The following SAMD5 variants were observed in gnomAD, a reference collection of about 807,000 sequenced individuals.
The protein encoded by SAMD5 is sterile alpha motif domain containing 5.
SAMD5 carries 13 observed loss-of-function variants against 11.3 expected under a neutral mutation model. That is an observed-to-expected ratio of 1.15 (90% CI 0.75 to 1.83). The LOEUF (loss-of-function observed/expected upper bound fraction) is 1.83. Ranked by LOEUF, SAMD5 falls within the 40% of genes most tolerant of loss-of-function variation. The pLI is 0.00. For synonymous variants in SAMD5, 129 were observed against 111.3 expected, an observed-to-expected ratio of 1.16 and a Z score of -1.00; for missense variants, 255 against 239.1, an observed-to-expected ratio of 1.07 and a Z score of -0.44.
chr6:147,515,021 G>A (rs1294792675), intron 1 of SAMD5, among the ~76,000 whole-genome samples: 2 of 152,052 alleles, frequency 1.3e-5, no homozygotes, highest in Non-Finnish European at 2.9e-5. Flanking sequence ...TTTGCCTTGT[G>A]TGTTGGCAGA....
chr6:147,827,317 G>GA, the SAMD5 span, among the ~76,000 whole-genome samples: 1 of 149,190 alleles, frequency 6.7e-6, no homozygotes, highest in Non-Finnish European at 1.5e-5. Flanking sequence ...AGGAAGGAAG[G>GA]AAAAAAAGGA....
the SAMD5 span, among the ~76,000 whole-genome samples, chr6:147,901,503 C>T: frequency 1.3e-5 from 2 of 152,134 alleles, no homozygotes; most frequent in African/African-American, 4.8e-5. Flanking sequence ...AGACTATGTG[C>T]CCTTTGTAAA....
chr6:147,666,154 G>A (rs562779992), intron 1 of SAMD5, among the ~76,000 whole-genome samples: 66 of 152,288 alleles, frequency 4.3e-4, no homozygotes, highest in Admixed American at 1.6e-3. Flanking sequence ...GGCCAGGCTG[G>A]TCGCCAACTC....
intron 1 of SAMD5, among the ~76,000 whole-genome samples, chr6:147,601,404 T>A (rs1583102095): frequency 6.6e-6 from 1 of 152,310 alleles, no homozygotes; most frequent in Non-Finnish European, 1.5e-5. Context: ...CAGTTTATTT[T>A]TATGTCTAGA....
chr6:147,917,523 T>C, the SAMD5 span, among the ~76,000 whole-genome samples: 2 of 152,158 alleles, frequency 1.3e-5, no homozygotes, highest in Admixed American at 6.5e-5. Flanking sequence ...TTCACTCTGA[T>C]GGTAGTTTCT....
At chr6:147,931,342 T>A in the SAMD5 span, among the ~76,000 whole-genome samples, 73 of 152,358 alleles carry the variant, frequency 4.8e-4, no homozygotes, top group African/African-American at 1.6e-3. Flanking sequence ...TATCCCATCC[T>A]TATTCAGCTC....
the SAMD5 span, among the ~76,000 whole-genome samples, chr6:147,812,813 A>T: frequency 6.6e-6 from 1 of 152,182 alleles, no homozygotes; most frequent in Non-Finnish European, 1.5e-5. Flanking sequence ...TGATATAGTT[A>T]TGATAGTATA....
At chr6:147,909,606 T>C in the SAMD5 span, among the ~76,000 whole-genome samples, 65 of 54,600 alleles carry the variant, frequency 1.2e-3, no homozygotes, top group African/African-American at 5.8e-3. Flanking sequence ...CTTTCTTTCT[T>C]TCTTTCTTTC....
intron 1 of SAMD5, among the ~76,000 whole-genome samples, chr6:147,557,804 T>C (rs1314346346): frequency 6.6e-6 from 1 of 152,182 alleles, no homozygotes; most frequent in Non-Finnish European, 1.5e-5. Flanking sequence ...ATAGAAGTAG[T>C]TTTGATAAAG....
chr6:147,827,645 T>C, the SAMD5 span, among the ~76,000 whole-genome samples: 10 of 152,236 alleles, frequency 6.6e-5, no homozygotes, highest in African/African-American at 2.4e-4. Flanking sequence ...TTCTTGTCTC[T>C]GGAACAGCTA....
chr6:147,907,055 G>A, the SAMD5 span, among the ~76,000 whole-genome samples: 1 of 152,134 alleles, frequency 6.6e-6, no homozygotes, highest in African/African-American at 2.4e-5. Context: ...CCTCAACACT[G>A]GGCACCTTCT....
downstream of SAMD5, among the ~76,000 whole-genome samples, chr6:147,738,061 T>A (rs1425840069): frequency 6.6e-6 from 1 of 152,042 alleles, no homozygotes; most frequent in East Asian, 1.9e-4. Context: ...AAGCAAGGCA[T>A]GGTGAAAGGA....
the SAMD5 span, among the ~76,000 whole-genome samples, chr6:147,743,625 A>G: frequency 6.6e-6 from 1 of 152,222 alleles, no homozygotes; most frequent in African/African-American, 2.4e-5. Flanking sequence ...AAGCAAATGC[A>G]TATAATTTTA....
At chr6:147,645,612 A>G (rs183488027) in intron 1 of SAMD5, among the ~76,000 whole-genome samples, 6 of 152,310 alleles carry the variant, frequency 3.9e-5, no homozygotes, top group Admixed American at 3.9e-4. Context: ...AATACTTTTC[A>G]TCTCAAAGCA....
the SAMD5 span, among the ~76,000 whole-genome samples, chr6:147,812,903 T>C: frequency 6.6e-6 from 1 of 152,222 alleles, no homozygotes; most frequent in East Asian, 1.9e-4. Context: ...TTACTTTTAA[T>C]TCGTTTGTCA....
In SAMD5 at chr6:147,635,435, A is replaced by G. The variant is rs192037361; in HGVS notation, c.163-101882A>G. Among the ~76,000 whole-genome samples, 103 of 152,376 alleles carry G rather than the reference A, an allele frequency of 6.8e-4. 1 individual carries two copies. Among genetic ancestry groups the G allele is most frequent in the African/African-American group, 2.3e-3 (94 of 41,600 alleles). ...TATGAGAAAAATGAAGTTGGAATTC[A>G]AACTGCATTTGATTGACTCTGTTGC... On this transcript the variant is annotated intron_variant, in intron 1 of 1. Transcript: ENST00000566741.
chr6:147,942,864 G>A, the SAMD5 span, among the ~76,000 whole-genome samples: 39 of 132,500 alleles, frequency 2.9e-4, no homozygotes, highest in African/African-American at 9.7e-4. Flanking sequence ...TTGCTCTGTC[G>A]CCCAGGCTTG....
At chr6:147,897,476 G>A in the SAMD5 span, among the ~76,000 whole-genome samples, 10 of 152,264 alleles carry the variant, frequency 6.6e-5, no homozygotes, top group East Asian at 1.4e-3. Flanking sequence ...ATTTCTAGCC[G>A]TAACAGCAGG....
intron 1 of SAMD5, among the ~76,000 whole-genome samples, chr6:147,630,881 G>A (rs943538134): frequency 2.6e-5 from 4 of 151,884 alleles, no homozygotes; most frequent in East Asian, 3.9e-4. Flanking sequence ...AAACTCCAGC[G>A]CCAGTGATGG....
Sources: gnomAD v4.1 joint callset for allele counts (sites outside exome capture counted in the v4.1 genomes callset) on GRCh38, gnomAD v4.1.1 for gene constraint, MANE v1.5 for transcripts, NCBI Gene and HGNC (gene_info 2026-07-23, HGNC 2026-07-21) for gene names.